The following ATG16L1 variants were observed in gnomAD, a reference collection of about 807,000 sequenced individuals.
The protein encoded by ATG16L1 is autophagy related 16 like 1.
In ATG16L1, 37 loss-of-function variants were observed where a neutral mutation model predicts 88.5. That is an observed-to-expected ratio of 0.42 (90% CI 0.32 to 0.55). The LOEUF (loss-of-function observed/expected upper bound fraction) is 0.55, where lower values mean the gene tolerates loss of function less well. Among genes scored for constraint, ATG16L1 ranks in the 20% least tolerant of loss-of-function variants. ATG16L1 has a pLI of 0.13. For missense variants in ATG16L1, 554 were observed against 752.8 expected (o/e 0.74, Z 3.09); for synonymous variants, 301 against 281.0 (o/e 1.07, Z -0.71).
At chr2:233,267,147 G>A (rs1325154013) in intron 5 of ATG16L1, among the ~76,000 whole-genome samples, 1 of 152,142 alleles carries the variant, frequency 6.6e-6, no homozygotes, top group African/African-American at 2.4e-5. Flanking sequence ...TTAGGAATTC[G>A]AGACCAGCCT....
At chr2:233,275,865 G>T in intron 9 of ATG16L1, 1 of 519,176 alleles carries the variant, frequency 1.9e-6, no homozygotes, top group Non-Finnish European at 3.8e-6. Context: ...CTGATAATTT[G>T]GGATTCTGTC....
intron 2 of ATG16L1, 43 bp from the exon 3 acceptor site, chr2:233,263,087 G>T (rs765891365): frequency 1.6e-5 from 25 of 1,565,994 alleles, no homozygotes; most frequent in Non-Finnish European, 1.7e-5. Context: ...TTCCCCCTCC[G>T]TTTTTTGCAC....
At chr2:233,289,705 T>G in intron 12 of ATG16L1, 149 bp from the exon 13 acceptor site, 4 of 1,058,658 alleles carry the variant, frequency 3.8e-6, no homozygotes, top group South Asian at 3.1e-5. Flanking sequence ...TTCTTTTTCC[T>G]TTGCTGTCTT....
At chr2:233,254,234 G>C (rs1696620504) in intron 1 of ATG16L1, among the ~76,000 whole-genome samples, 2 of 152,234 alleles carry the variant, frequency 1.3e-5, no homozygotes, top group Non-Finnish European at 2.9e-5. Context: ...TAGCTTTAAA[G>C]GGTGCTAGAG....
chr2:233,267,766 G>T (rs192823339), intron 5 of ATG16L1, among the ~76,000 whole-genome samples: 1 of 152,316 alleles, frequency 6.6e-6, no homozygotes, highest in Admixed American at 6.5e-5. Flanking sequence ...GGAGAAGTTG[G>T]GGAGATGTGT....
intron 6 of ATG16L1, among the ~76,000 whole-genome samples, chr2:233,271,031 G>A (rs1051487049): frequency 6.6e-6 from 1 of 152,296 alleles, no homozygotes; most frequent in African/African-American, 2.4e-5. Flanking sequence ...TGTAGGGTAC[G>A]TGTGTGTCTG....
chr2:233,278,489 G>A (rs1394174933), intron 10 of ATG16L1, among the ~76,000 whole-genome samples: 1 of 152,154 alleles, frequency 6.6e-6, no homozygotes, highest in Non-Finnish European at 1.5e-5. Flanking sequence ...TAATTCCCCT[G>A]ATCATCACAA....
Position 233,268,682 on chromosome 2 carries a change from A to C in ATG16L1, c.642-1320A>C, listed in dbSNP as rs370684149. Among the ~76,000 whole-genome samples, 16 of 152,194 alleles carry C rather than the reference A, an allele frequency of 1.1e-4. No homozygotes were observed. The South Asian group carries it at 3.1e-3, about 30-fold the overall frequency. ...TTCTGGTTTTTCCTCAAAGAGAGTT[A>C]GTTCACAGTTGTCTCTACCAGCTAA... is the stretch of plus-strand genomic sequence containing the variant. On this transcript the variant is annotated intron_variant, in intron 5 of 17. Transcript: ENST00000392017.
Position 233,283,087 on chromosome 2 carries a change from A to G in ATG16L1, c.1203+334A>G, listed in dbSNP as rs1364876569. 2.0e-5 allele frequency: 5 copies of G among 248,228 alleles called. No homozygotes were observed. In the East Asian group the frequency reaches 4.6e-4, roughly 23 times the overall value. 15.4% of individuals were successfully genotyped at this position (248,228 alleles called of 1,614,324 possible). A position where few individuals can be genotyped will look rare whatever the true frequency, so the allele number is the denominator to read the frequency against. On this transcript the variant is annotated intron_variant, in intron 12 of 17. Transcript: ENST00000392017. ...GTGAATTGTGATTCCTGTGGGCTCT[A>G]AAACCTAATTACCTAAAGTGGGATA... is the stretch of plus-strand genomic sequence containing the variant.
At chr2:233,258,653 A>G (rs1696981128) in intron 2 of ATG16L1, among the ~76,000 whole-genome samples, 2 of 152,162 alleles carry the variant, frequency 1.3e-5, no homozygotes, top group African/African-American at 4.8e-5. Flanking sequence ...TGTTAGCCAA[A>G]CTCATGTGCT....
chr2:233,262,517 C>T (rs1697287440), intron 2 of ATG16L1, among the ~76,000 whole-genome samples: 3 of 152,220 alleles, frequency 2.0e-5, no homozygotes, highest in African/African-American at 4.8e-5. Context: ...GTCACCCTTC[C>T]TCCAAATACA....
At chr2:233,252,833 TATA>T (rs1696475740) in intron 1 of ATG16L1, among the ~76,000 whole-genome samples, 1 of 152,220 alleles carries the variant, frequency 6.6e-6, no homozygotes, top group East Asian at 1.9e-4. Context: ...TTACCTAAAT[TATA>T]ATGGTCCTAA....
chr2:233,258,346 TCTC>T (rs1483512695), intron 2 of ATG16L1, among the ~76,000 whole-genome samples: 1 of 152,152 alleles, frequency 6.6e-6, no homozygotes, highest in Non-Finnish European at 1.5e-5. Flanking sequence ...TGCTCTCATG[TCTC>T]CTCATCTGGC....
At chr2:233,270,888 T>C (rs1406878206) in intron 6 of ATG16L1, among the ~76,000 whole-genome samples, 1 of 152,240 alleles carries the variant, frequency 6.6e-6, no homozygotes, top group Non-Finnish European at 1.5e-5. Context: ...AGAGTTTTGA[T>C]CCACTATTTT....
chr2:233,259,047 C>T (rs1697012800), intron 2 of ATG16L1, among the ~76,000 whole-genome samples: 1 of 152,046 alleles, frequency 6.6e-6, no homozygotes, highest in Admixed American at 6.5e-5. Flanking sequence ...GTTCATTCAG[C>T]CCACACACAG....
At chr2:233,270,120 A>C in intron 6 of ATG16L1, 53 bp downstream of exon 6, 1 of 1,515,808 alleles carries the variant, frequency 6.6e-7, no homozygotes, top group Non-Finnish European at 8.8e-7. Context: ...TGGCTCTCTT[A>C]AAAGTTTTGT....
At chr2:233,283,231 C>T (rs1359965643) in intron 12 of ATG16L1, among the ~76,000 whole-genome samples, 1 of 152,128 alleles carries the variant, frequency 6.6e-6, no homozygotes, top group Non-Finnish European at 1.5e-5. Context: ...AGGAAAGCTG[C>T]ATTTGAACCA....
chr2:233,281,243 TATAAC>T (rs1454967242), intron 11 of ATG16L1, 68 bp downstream of exon 11: 4 of 1,232,968 alleles, frequency 3.2e-6, no homozygotes, highest in African/African-American at 1.5e-5. Flanking sequence ...TTCTTGAAAT[TATAAC>T]ATAACTTACC....
intron 4 of ATG16L1, 105 bp downstream of exon 4, chr2:233,264,170 C>A: frequency 1.8e-6 from 2 of 1,104,280 alleles, no homozygotes; most frequent in Non-Finnish European, 2.7e-6. Context: ...GGCCACAGTG[C>A]ACTTAGCGAG....
Sources: gnomAD v4.1 joint callset for allele counts (sites outside exome capture counted in the v4.1 genomes callset) on GRCh38, gnomAD v4.1.1 for gene constraint, MANE v1.5 for transcripts, NCBI Gene and HGNC (gene_info 2026-07-23, HGNC 2026-07-21) for gene names.